PRKG1: variants seen among roughly 807,000 people sequenced by gnomAD.
PRKG1 encodes protein kinase cGMP-dependent 1, also known as cGMP-dependent protein kinase 1.
A neutral mutation model predicts 88.1 loss-of-function variants in PRKG1; 35 were observed. The ratio of observed to expected loss-of-function variants is 0.40; its 90% CI spans 0.30 to 0.53. PRKG1 has a LOEUF of 0.53. Ranked by LOEUF, PRKG1 falls within the 20% of genes least tolerant of loss-of-function variation. The pLI, the probability that PRKG1 is intolerant of heterozygous loss-of-function variation, is 0.59. For missense variants in PRKG1, 540 were observed against 839.8 expected (o/e 0.64, Z 4.41); for synonymous variants, 303 against 292.5 (o/e 1.04, Z -0.37).
intron 3 of PRKG1, among the ~76,000 whole-genome samples, chr10:51,485,331 G>A (rs913822229): frequency 3.9e-5 from 6 of 152,190 alleles, no homozygotes; most frequent in Admixed American, 6.6e-5. Context: ...CACAGGATAA[G>A]TGATTATCAA....
At chr10:51,747,644 A>AT (rs980681194) in intron 3 of PRKG1, among the ~76,000 whole-genome samples, 2 of 151,760 alleles carry the variant, frequency 1.3e-5, no homozygotes, top group African/African-American at 2.4e-5. Context: ...GAATTCTTTG[A>AT]TTTTTTTTCT....
At chr10:51,184,826 C>T (rs1326384897) in intron 2 of PRKG1, among the ~76,000 whole-genome samples, 3 of 152,076 alleles carry the variant, frequency 2.0e-5, no homozygotes, top group Admixed American at 6.6e-5. Context: ...CCATTTGTTG[C>T]GTACCTCACC....
intron 2 of PRKG1, among the ~76,000 whole-genome samples, chr10:51,326,800 A>T (rs1168305299): frequency 6.6e-6 from 1 of 152,266 alleles, no homozygotes; most frequent in East Asian, 1.9e-4. Flanking sequence ...TAACTTAAAT[A>T]TCTTCTTCAA....
At chr10:52,230,378 A>G (rs954681575) in intron 9 of PRKG1, among the ~76,000 whole-genome samples, 10 of 152,248 alleles carry the variant, frequency 6.6e-5, no homozygotes, top group Admixed American at 5.9e-4. Context: ...AATAATGATC[A>G]TCTTTTATTA....
intron 9 of PRKG1, among the ~76,000 whole-genome samples, chr10:52,244,933 C>G (rs1304606498): frequency 2.9e-5 from 4 of 138,468 alleles, no homozygotes; most frequent in Admixed American, 7.3e-5. Flanking sequence ...TTTAAATATA[C>G]TTTAAATATA....
chr10:51,606,522 T>A (rs1053692876), intron 3 of PRKG1, among the ~76,000 whole-genome samples: 1 of 152,204 alleles, frequency 6.6e-6, no homozygotes, highest in Non-Finnish European at 1.5e-5. Context: ...ACATGTCATA[T>A]CCAGTAAAGA....
chr10:51,683,901 T>C (rs1248415715), intron 3 of PRKG1, among the ~76,000 whole-genome samples: 1 of 152,218 alleles, frequency 6.6e-6, no homozygotes, highest in East Asian at 1.9e-4. Flanking sequence ...CAAGAGGATG[T>C]AGAGAAACTG....
At chr10:52,128,189 T>C (rs769964524) in intron 7 of PRKG1, 5 of 985,390 alleles carry the variant, frequency 5.1e-6, no homozygotes, top group Non-Finnish European at 6.0e-6. Context: ...TGCTGTAAGC[T>C]CATAAGCAAC....
chr10:51,765,114 GA>G (rs1223549897), intron 3 of PRKG1, among the ~76,000 whole-genome samples: 1 of 152,172 alleles, frequency 6.6e-6, no homozygotes, highest in Non-Finnish European at 1.5e-5. Flanking sequence ...GGAAGATGGG[GA>G]GCACAGCTAG....
intron 9 of PRKG1, among the ~76,000 whole-genome samples, chr10:52,170,766 G>A (rs565922241): frequency 5.6e-4 from 86 of 152,310 alleles, no homozygotes; most frequent in Admixed American, 1.5e-3. Flanking sequence ...TTGGTGATGA[G>A]CCTTCTTGTT....
chr10:51,329,790 T>C (rs1841684658), intron 2 of PRKG1, among the ~76,000 whole-genome samples: 1 of 152,126 alleles, frequency 6.6e-6, no homozygotes, highest in African/African-American at 2.4e-5. Flanking sequence ...TCTCCTGGCC[T>C]GTAAGATTTT....
intron 2 of PRKG1, among the ~76,000 whole-genome samples, chr10:51,172,603 T>C (rs934989920): frequency 2.4e-4 from 25 of 104,266 alleles, no homozygotes; most frequent in African/African-American, 1.1e-3. Flanking sequence ...TGTCTGTCTA[T>C]GTATGTATGT....
intron 2 of PRKG1, among the ~76,000 whole-genome samples, chr10:51,278,378 G>A (rs1251034149): frequency 1.3e-5 from 2 of 152,114 alleles, no homozygotes; most frequent in Admixed American, 6.6e-5. Context: ...GAGGATTTTT[G>A]CATCAGTGTT....
At chr10:51,834,755 GGAAAAGAAAAGAAAAAA>G (rs1840090295) in intron 4 of PRKG1, among the ~76,000 whole-genome samples, 2 of 151,220 alleles carry the variant, frequency 1.3e-5, no homozygotes, top group South Asian at 2.1e-4. Flanking sequence ...AGAAAAGAAA[GGAAAAGAAAAGAAAAAA>G]GAAAAGAAAA....
At chr10:51,332,930 C>G (rs1021825234) in intron 2 of PRKG1, among the ~76,000 whole-genome samples, 2 of 152,180 alleles carry the variant, frequency 1.3e-5, no homozygotes, top group Non-Finnish European at 2.9e-5. Context: ...TCAGTGCTAA[C>G]TAGAGCAGAG....
chr10:52,112,726 G>A (rs1211318519), intron 7 of PRKG1, among the ~76,000 whole-genome samples: 3 of 152,062 alleles, frequency 2.0e-5, no homozygotes, highest in Non-Finnish European at 4.4e-5. Flanking sequence ...GAATTTGATT[G>A]GCCAGCTTGG....
chr10:51,804,540 T>G, intron 3 of PRKG1, 45 bp from the exon 4 acceptor site: 1 of 1,334,924 alleles, frequency 7.5e-7, no homozygotes, highest in Non-Finnish European at 1.1e-6. Flanking sequence ...GTTGAAATTC[T>G]CTGATTAATT....
chr10:51,741,957 A>C (rs1837445670), intron 3 of PRKG1, among the ~76,000 whole-genome samples: 1 of 152,212 alleles, frequency 6.6e-6, no homozygotes, highest in Non-Finnish European at 1.5e-5. Flanking sequence ...TTCTGTGTTT[A>C]ATAAACATGT....
intron 2 of PRKG1, among the ~76,000 whole-genome samples, chr10:51,433,393 C>T (rs1564492763): frequency 6.6e-6 from 1 of 151,998 alleles, no homozygotes; most frequent in Non-Finnish European, 1.5e-5. Flanking sequence ...GCTTCTAGTA[C>T]CCTCTTGGAG....
Sources: allele counts gnomAD v4.1 joint callset (sites outside exome capture counted in the v4.1 genomes callset), GRCh38; gene constraint gnomAD v4.1.1; transcripts MANE v1.5; gene names NCBI Gene and HGNC (gene_info 2026-07-23, HGNC 2026-07-21).